The following TBCD variants were observed in gnomAD, a reference collection of about 807,000 sequenced individuals.
The protein encoded by TBCD is tubulin folding cofactor D.
In TBCD, 105 loss-of-function variants were observed where a neutral mutation model predicts 169.3. That is an observed-to-expected ratio of 0.62 (90% CI 0.53 to 0.73). TBCD has a LOEUF of 0.73. TBCD is among the 30% of genes least tolerant of loss of function. TBCD has a pLI of 0.00. For missense variants in TBCD, 1,444 were observed against 1,600.1 expected (o/e 0.90, Z 1.66); for synonymous variants, 700 against 643.9 (o/e 1.09, Z -1.32).
At position 82,782,981 on chromosome 17, in the gene TBCD, T is replaced by G. The variant is rs1030402272; in HGVS notation, c.771+1260T>G. Reference sequence around the variant, plus strand: ...CTGTCCATGGTGGCCTCCTGTCCGCTGTGCCCTCCTGTCCGCGGCGTCGTC... The same window carrying G: ...CTGTCCATGGTGGCCTCCTGTCCGCGGTGCCCTCCTGTCCGCGGCGTCGTC... On this transcript the variant is annotated intron_variant, in intron 7 of 38. Transcript: ENST00000355528. The surrounding 1 kb of genome is among the most constrained non-coding windows in gnomAD (Gnocchi z 5.1). 6.8e-6 allele frequency among the ~76,000 whole-genome samples: 1 copy of G among 146,450 alleles called. No homozygotes were observed. The highest frequency in any genetic ancestry group is 2.2e-4 in the South Asian group (1 of 4,508).
rs1206624394 is a variant in TBCD at position 82,784,720 on chromosome 17, A to G, written c.771+2999A>G. Among the ~76,000 whole-genome samples the G allele has an allele frequency of 2.0e-5, 3 of 152,164 alleles. No individual in the cohort carries two copies. The East Asian group carries it at 5.8e-4, about 29-fold the overall frequency. ...AATGTTTGTGATGCTGGGTGTACAG[A>G]CAGCCTCCCACATGACCAAGGACAC... On this transcript the variant is annotated intron_variant, in intron 7 of 38. Coordinates refer to ENST00000355528, the MANE Select transcript of TBCD (RefSeq NM_005993.5).
intron 13 of TBCD, among the ~76,000 whole-genome samples, chr17:82,820,887 G>A (rs1330414350): frequency 1.3e-5 from 2 of 151,500 alleles, no homozygotes; most frequent in Admixed American, 1.3e-4. Flanking sequence ...GGTGCCCTAT[G>A]AGTCTCTTAG....
intron 17 of TBCD, among the ~76,000 whole-genome samples, chr17:82,895,140 G>C (rs970694800): frequency 6.6e-6 from 1 of 152,230 alleles, no homozygotes; most frequent in Non-Finnish European, 1.5e-5. Flanking sequence ...GCCAACCCAA[G>C]ACCTGGGTCC....
intron 13 of TBCD, chr17:82,829,384 G>A (rs548452668): frequency 6.5e-6 from 1 of 154,850 alleles, no homozygotes; most frequent in Non-Finnish European, 1.5e-5. Context: ...CAGGTTAATC[G>A]CTGCCACAGC....
chr17:82,871,379 G>C (rs2057545157), intron 14 of TBCD, among the ~76,000 whole-genome samples: 1 of 152,212 alleles, frequency 6.6e-6, no homozygotes, highest in African/African-American at 2.4e-5. Flanking sequence ...GCTGGAGGCG[G>C]GACACCGAGG....
chr17:82,867,326 C>T, intron 13 of TBCD, among the ~76,000 whole-genome samples: 1 of 152,224 alleles, frequency 6.6e-6, no homozygotes, highest in Non-Finnish European at 1.5e-5. Flanking sequence ...GTCGGTCTGT[C>T]CAGTGGATGA....
intron 23 of TBCD, among the ~76,000 whole-genome samples, chr17:82,914,683 C>A (rs562003232): frequency 6.6e-6 from 1 of 152,230 alleles, no homozygotes; most frequent in Non-Finnish European, 1.5e-5. Context: ...CTCCCGGCGC[C>A]GGCCCTCCTT....
chr17:82,763,999 A>G lies in TBCD; in HGVS notation c.270A>G (p.Gln90=), dbSNP rs796583332. ...WMMNLLLDIV[Q]DQTSPASLVH... ...TGAACTTGTTGTTGGACATAGTGCA[A>G]GATCAGACATCTCCAGCTTCCCTTG... is the stretch of plus-strand genomic sequence containing the variant. Residue 90 remains glutamine, a synonymous_variant, in exon 3 of 39, where the codon CAA becomes CAG. Transcript: ENST00000355528. 6.2e-7 allele frequency: 1 copy of G among 1,613,960 alleles called. No homozygotes were observed. The highest frequency in any genetic ancestry group is 8.5e-7 in the Non-Finnish European group (1 of 1,179,866).
At chr17:82,847,356 G>GAAAAAAAAAAAAAAAAAAAAAAAAAAA (rs1041994030) in intron 13 of TBCD, among the ~76,000 whole-genome samples, 3 of 81,756 alleles carry the variant, frequency 3.7e-5, no homozygotes, top group Non-Finnish European at 7.1e-5. Context: ...CCATGTCAAA[G>GAAAAAAAAAAAAAAAAAAAAAAAAAAA]AAAAAAAAAA....
At chr17:82,794,090 G>A (rs72854391) in intron 7 of TBCD, among the ~76,000 whole-genome samples, 10 of 152,356 alleles carry the variant, frequency 6.6e-5, no homozygotes, top group Non-Finnish European at 1.5e-4. Context: ...CTGGTGTGGT[G>A]TGGGGGCCCT....
intron 13 of TBCD, among the ~76,000 whole-genome samples, chr17:82,836,368 G>T (rs1238804943): frequency 6.6e-6 from 1 of 152,238 alleles, no homozygotes; most frequent in Admixed American, 6.5e-5. Flanking sequence ...GAAAGCTGAT[G>T]ATTTCATCAC....
Position 82,945,427 on chromosome 17 carries a change from G to GT in TBCD, c.*2965dup, listed in dbSNP as rs2063625451. On this transcript the variant is annotated 3_prime_UTR_variant, in exon 39 of 39. Coordinates refer to ENST00000355528, the MANE Select transcript of TBCD (RefSeq NM_005993.5). ...CCTGCCACAGTGAAACTGCAGAACT[G>GT]TAAGAAGGACAGAGTGATATAAACG... is the stretch of plus-strand genomic sequence containing the variant. 6.6e-6 allele frequency: 1 copy of GT among 152,336 alleles called. No individual in the cohort carries two copies. Among genetic ancestry groups the GT allele is most frequent in the South Asian group, 2.1e-4 (1 of 4,828 alleles). 9.4% of individuals were successfully genotyped at this position (152,336 alleles called of 1,614,324 possible). A position where few individuals can be genotyped will look rare whatever the true frequency, so the allele number is the denominator to read the frequency against.
intron 13 of TBCD, among the ~76,000 whole-genome samples, chr17:82,823,658 A>G (rs1276898067): frequency 2.0e-5 from 3 of 152,128 alleles, no homozygotes; most frequent in Non-Finnish European, 4.4e-5. Context: ...TTACATGTGA[A>G]TTCAAGGATC....
chr17:82,788,776 G>A (rs1471230960), intron 7 of TBCD, among the ~76,000 whole-genome samples: 1 of 152,148 alleles, frequency 6.6e-6, no homozygotes, highest in Non-Finnish European at 1.5e-5. Flanking sequence ...TGTGAGCTGT[G>A]CCCAGGCCCT....
intron 12 of TBCD, among the ~76,000 whole-genome samples, chr17:82,811,594 G>A (rs1251011466): frequency 2.0e-5 from 3 of 152,196 alleles, no homozygotes; most frequent in Non-Finnish European, 4.4e-5. Context: ...GTCAGTGCCT[G>A]CCTTCCCTTT....
chr17:82,817,878 T>C (rs914452109), intron 13 of TBCD, among the ~76,000 whole-genome samples: 59 of 152,172 alleles, frequency 3.9e-4, no homozygotes, highest in Non-Finnish European at 1.0e-4. Flanking sequence ...GAAGTTGTGG[T>C]TTCATTTAAC....
chr17:82,831,879 C>A lies in TBCD; in HGVS notation c.1318+16945C>A. 1 of 1,614,192 alleles carries A rather than the reference C, an allele frequency of 6.2e-7. No homozygotes were observed. Among genetic ancestry groups the A allele is most frequent in the Non-Finnish European group, 8.5e-7 (1 of 1,180,032 alleles). On this transcript the variant is annotated intron_variant, in intron 13 of 38. Transcript: ENST00000355528. This position sits in a 1 kb window ranked among gnomAD's most constrained non-coding sequence, Gnocchi z 4.6. ...GGAAGGCCGACTTGGTGTGGAAAGA[C>A]ACGGCCTTGGCAGTGGGGTTGTGTA... is the stretch of plus-strand genomic sequence containing the variant.
intron 24 of TBCD, 92 bp from the exon 25 acceptor site, chr17:82,921,409 A>G: frequency 9.8e-7 from 1 of 1,015,582 alleles, no homozygotes; most frequent in Non-Finnish European, 1.6e-6. Flanking sequence ...CATCGACTTT[A>G]AGATTAGTAT....
chr17:82,942,359 C>T, intron 38 of TBCD, 90 bp from the exon 39 acceptor site: 1 of 1,585,530 alleles, frequency 6.3e-7, no homozygotes, highest in Non-Finnish European at 8.6e-7. Flanking sequence ...TGTCAGTCCC[C>T]ACACAGGGCC....
Sources: allele counts gnomAD v4.1 joint callset (sites outside exome capture counted in the v4.1 genomes callset), GRCh38; gene constraint gnomAD v4.1.1; non-coding constraint Gnocchi (gnomAD v3.1); transcripts MANE v1.5; gene names NCBI Gene and HGNC (gene_info 2026-07-23, HGNC 2026-07-21).